THSD7B: variants seen among roughly 807,000 people sequenced by gnomAD.
THSD7B encodes the protein thrombospondin type-1 domain-containing protein 7B.
THSD7B carries 138 observed loss-of-function variants against 213.6 expected under a neutral mutation model. That is an observed-to-expected ratio of 0.65 (90% CI 0.56 to 0.74). The LOEUF (loss-of-function observed/expected upper bound fraction) is 0.74, where lower values mean the gene tolerates loss of function less well. Ranked by LOEUF, THSD7B falls within the 30% of genes least tolerant of loss-of-function variation. The pLI, the probability that THSD7B is intolerant of heterozygous loss-of-function variation, is 0.00. For missense variants in THSD7B, 1,931 were observed against 1,991.5 expected, an observed-to-expected ratio of 0.97 and a Z score of 0.58; for synonymous variants, 742 against 687.0, an observed-to-expected ratio of 1.08 and a Z score of -1.25.
At chr2:137,273,767 A>AT (rs1041219659) in intron 11 of THSD7B, among the ~76,000 whole-genome samples, 15 of 152,022 alleles carry the variant, frequency 9.9e-5, no homozygotes, top group Non-Finnish European at 1.6e-4. Flanking sequence ...CCAGACTACC[A>AT]TTTTTTTCTC....
chr2:137,268,070 A>G (rs1019920657), intron 10 of THSD7B, among the ~76,000 whole-genome samples: 6 of 152,146 alleles, frequency 3.9e-5, no homozygotes, highest in African/African-American at 1.4e-4. Flanking sequence ...CCTTGACACA[A>G]CCCTCATGCT....
At chr2:137,446,842 T>G (rs996797814) in intron 14 of THSD7B, among the ~76,000 whole-genome samples, 1 of 152,094 alleles carries the variant, frequency 6.6e-6, no homozygotes, top group Non-Finnish European at 1.5e-5. Flanking sequence ...GTGGTATATT[T>G]TATGGAAATG....
chr2:136,979,125 C>A (rs1685534026), intron 2 of THSD7B, among the ~76,000 whole-genome samples: 1 of 152,110 alleles, frequency 6.6e-6, no homozygotes, highest in Non-Finnish European at 1.5e-5. Flanking sequence ...GGCTCCCAAT[C>A]TCTTCTGGCT....
chr2:137,177,242 C>A (rs1438402476), intron 7 of THSD7B, among the ~76,000 whole-genome samples: 4 of 152,126 alleles, frequency 2.6e-5, no homozygotes, highest in Non-Finnish European at 5.9e-5. Flanking sequence ...TCCAGTTAGG[C>A]CATCTGGGTA....
chr2:137,074,762 C>T (rs1488634409), intron 3 of THSD7B, among the ~76,000 whole-genome samples: 3 of 152,260 alleles, frequency 2.0e-5, no homozygotes, highest in Admixed American at 6.5e-5. Context: ...CCTTCAGGAG[C>T]TCTTTTAGGG....
intron 12 of THSD7B, among the ~76,000 whole-genome samples, chr2:137,384,165 A>G (rs1434788982): frequency 6.6e-6 from 1 of 152,086 alleles, no homozygotes; most frequent in African/African-American, 2.4e-5. Context: ...AAAGACTCCA[A>G]CTACTCTATT....
rs190919907 is a variant in THSD7B, at chr2:137,393,252, T to G, written c.2501-12361T>G. Among the ~76,000 whole-genome samples, 634 of 151,758 alleles carry G rather than the reference T, an allele frequency of 4.2e-3. 6 individuals are homozygous for G. The highest frequency in any genetic ancestry group is 0.014 in the African/African-American group (596 of 41,372). ...GTATACATGTGCCATGCTGGTGCACTGCACCCACTAACTCGTCATCTAGCA... is the reference window on the plus strand; with the variant it reads ...GTATACATGTGCCATGCTGGTGCACGGCACCCACTAACTCGTCATCTAGCA... On this transcript the variant is annotated intron_variant, in intron 12 of 27. Transcript: ENST00000409968.
intron 17 of THSD7B, among the ~76,000 whole-genome samples, chr2:137,574,698 C>T (rs2105237479): frequency 6.6e-6 from 1 of 152,180 alleles, no homozygotes; most frequent in Middle Eastern, 3.4e-3. Flanking sequence ...AATTAGGGCT[C>T]ATACCTGATT....
chr2:137,551,662 G>A (rs1223354723), intron 15 of THSD7B, among the ~76,000 whole-genome samples: 1 of 152,118 alleles, frequency 6.6e-6, no homozygotes, highest in Non-Finnish European at 1.5e-5. Context: ...AGCTTATTTA[G>A]TATTATTAGT....
At chr2:137,523,256 A>T (rs1680219778) in intron 15 of THSD7B, among the ~76,000 whole-genome samples, 1 of 152,156 alleles carries the variant, frequency 6.6e-6, no homozygotes, top group Non-Finnish European at 1.5e-5. Context: ...TAGTCTTCAG[A>T]TGTTTTTCCT....
intron 15 of THSD7B, among the ~76,000 whole-genome samples, chr2:137,546,437 A>ATATATAT (rs1680728322): frequency 4.2e-5 from 1 of 23,854 alleles, no homozygotes; most frequent in Non-Finnish European, 6.5e-5. Context: ...TATATATATT[A>ATATATAT]TATATATTAT....
At chr2:137,425,940 C>A (rs1344291400) in intron 14 of THSD7B, among the ~76,000 whole-genome samples, 1 of 152,162 alleles carries the variant, frequency 6.6e-6, no homozygotes, top group African/African-American at 2.4e-5. Flanking sequence ...ATCCTAAATA[C>A]TCCACCAAAG....
At chr2:136,951,472 C>T (rs1461341105) in intron 2 of THSD7B, among the ~76,000 whole-genome samples, 1 of 152,142 alleles carries the variant, frequency 6.6e-6, no homozygotes, top group Non-Finnish European at 1.5e-5. Context: ...AAACTCTATT[C>T]CTGGCCCATA....
chr2:137,295,796 A>G (rs1683448760), intron 12 of THSD7B, among the ~76,000 whole-genome samples: 1 of 152,032 alleles, frequency 6.6e-6, no homozygotes, highest in Admixed American at 6.6e-5. Context: ...TAGGTAGTAG[A>G]ATTTCCCTGC....
intron 12 of THSD7B, among the ~76,000 whole-genome samples, chr2:137,281,594 CT>C (rs1683016743): frequency 6.6e-6 from 1 of 150,622 alleles, no homozygotes; most frequent in African/African-American, 2.5e-5. Context: ...TGATGTTCCC[CT>C]TCTTGTGTCC....
chr2:136,839,477 G>T (rs1682891708), intron 1 of THSD7B, among the ~76,000 whole-genome samples: 1 of 152,098 alleles, frequency 6.6e-6, no homozygotes, highest in South Asian at 2.1e-4. Flanking sequence ...TAAAATCTCA[G>T]AATCTTTTTC....
intron 5 of THSD7B, among the ~76,000 whole-genome samples, chr2:137,140,007 A>G (rs868204068): frequency 6.6e-6 from 1 of 152,204 alleles, no homozygotes. Flanking sequence ...TTATAGAGAG[A>G]ATATGTAGTG....
chr2:137,188,734 G>C (rs745825184), intron 7 of THSD7B, among the ~76,000 whole-genome samples: 1 of 152,196 alleles, frequency 6.6e-6, no homozygotes, highest in Non-Finnish European at 1.5e-5. Context: ...GTTTGACAAT[G>C]TGTTACCCAG....
intron 4 of THSD7B, among the ~76,000 whole-genome samples, chr2:137,108,015 A>G (rs559332087): frequency 3.2e-4 from 49 of 152,366 alleles, no homozygotes; most frequent in Middle Eastern, 3.4e-3. Flanking sequence ...ACATTATCAT[A>G]AATTAGTCAT....
Sources: allele counts gnomAD v4.1 joint callset (sites outside exome capture counted in the v4.1 genomes callset), GRCh38; gene constraint gnomAD v4.1.1; transcripts MANE v1.5; gene names NCBI Gene and HGNC (gene_info 2026-07-23, HGNC 2026-07-21).